SLC5A1: variants seen among roughly 807,000 people sequenced by gnomAD.
SLC5A1 encodes the protein sodium/glucose cotransporter 1.
SLC5A1 carries 42 observed loss-of-function variants against 73.5 expected under a neutral mutation model. The ratio of observed to expected loss-of-function variants is 0.57; its 90% CI spans 0.45 to 0.74. SLC5A1 has a LOEUF of 0.74. Among genes scored for constraint, SLC5A1 ranks in the 30% least tolerant of loss-of-function variants. The pLI is 0.00. For missense variants in SLC5A1, 634 were observed against 855.4 expected (o/e 0.74, Z 3.23); for synonymous variants, 300 against 317.4 (o/e 0.95, Z 0.58).
At chr22:32,047,016 G>C (rs565010289) in intron 1 of SLC5A1, among the ~76,000 whole-genome samples, 1 of 152,120 alleles carries the variant, frequency 6.6e-6, no homozygotes. Flanking sequence ...TTGTAATATG[G>C]TAACACAAAG....
intron 1 of SLC5A1, among the ~76,000 whole-genome samples, chr22:32,046,192 T>C (rs899349508): frequency 6.6e-6 from 1 of 152,152 alleles, no homozygotes; most frequent in African/African-American, 2.4e-5. Flanking sequence ...TTCAGATGAA[T>C]CAGTCCCAGA....
rs957595299 is a variant in SLC5A1 at position 32,109,880 on chromosome 22, T to G, written c.1772-110T>G. 7.5e-6 allele frequency: 6 copies of G among 800,588 alleles called. No homozygotes were observed. In the East Asian group the frequency reaches 1.0e-4, roughly 13 times the overall value. 49.6% of individuals were successfully genotyped at this position (800,588 alleles called of 1,614,324 possible). On this transcript the variant is annotated intron_variant, in intron 14 of 14. Transcript: ENST00000266088. Reference sequence around the variant, plus strand: ...GAAATTTGGGGAAATTTCTCATTTTTGGGAAATTTCTGCAGAATAGCAGAT... The same window carrying G: ...GAAATTTGGGGAAATTTCTCATTTTGGGGAAATTTCTGCAGAATAGCAGAT...
intron 5 of SLC5A1, among the ~76,000 whole-genome samples, chr22:32,068,817 CAGGTTTGTGA>C (rs1262367069): frequency 1.3e-5 from 2 of 152,098 alleles, no homozygotes; most frequent in Non-Finnish European, 2.9e-5. Context: ...AAAACACAAA[CAGGTTTGTGA>C]AGGTTCAGGG....
intron 4 of SLC5A1, 46 bp from the exon 5 acceptor site, chr22:32,068,450 C>G (rs1241099719): frequency 8.6e-7 from 1 of 1,158,086 alleles, no homozygotes; most frequent in Non-Finnish European, 1.3e-6. Flanking sequence ...GCTCTGGGCC[C>G]TCTGGTCACT....
At chr22:32,048,823 C>A (rs2093940505) in intron 1 of SLC5A1, among the ~76,000 whole-genome samples, 1 of 152,070 alleles carries the variant, frequency 6.6e-6, no homozygotes, top group African/African-American at 2.4e-5. Context: ...GTATTCCCAG[C>A]ACTTTGGGAG....
chr22:32,055,274 C>T (rs575943901), intron 2 of SLC5A1, among the ~76,000 whole-genome samples: 2 of 152,274 alleles, frequency 1.3e-5, no homozygotes, highest in South Asian at 2.1e-4. Flanking sequence ...ACTGTGATGA[C>T]TCTGGAACAA....
chr22:32,074,849 C>A (rs1285119356), intron 5 of SLC5A1, among the ~76,000 whole-genome samples: 2 of 152,112 alleles, frequency 1.3e-5, no homozygotes, highest in Non-Finnish European at 2.9e-5. Flanking sequence ...TTTACTTACA[C>A]CCTCTCCAGT....
At chr22:32,090,187 G>A (rs1241791801) in intron 10 of SLC5A1, among the ~76,000 whole-genome samples, 1 of 151,826 alleles carries the variant, frequency 6.6e-6, no homozygotes, top group Non-Finnish European at 1.5e-5. Flanking sequence ...CAATTCAGTG[G>A]TTTTTTAAGT....
chr22:32,095,696 G>T (rs961485641), intron 11 of SLC5A1, among the ~76,000 whole-genome samples: 1 of 152,178 alleles, frequency 6.6e-6, no homozygotes, highest in Non-Finnish European at 1.5e-5. Context: ...GTATCCACTT[G>T]CATGGGATGT....
chr22:32,099,100 AAAAAAATATATATATAT>A, intron 11 of SLC5A1, 66 bp from the exon 12 acceptor site: 2 of 157,858 alleles, frequency 1.3e-5, no homozygotes, highest in Non-Finnish European at 1.9e-5. Flanking sequence ...AAAAAAAAAA[AAAAAAATATATATATAT>A]ATATATATAT....
rs1204067453 is a variant in SLC5A1 at position 32,111,495 on chromosome 22, A to G, written c.*1282A>G. 4 of 152,230 alleles carry G rather than the reference A, an allele frequency of 2.6e-5. No individual in the cohort carries two copies. Among genetic ancestry groups the G allele is most frequent in the Admixed American group, 2.0e-4 (3 of 15,284 alleles). 9.4% of individuals were successfully genotyped at this position (152,230 alleles called of 1,614,324 possible). ...AGCAAGTGAGTCTTGAAGAGATACTAAACAAACCCACAACACAGATAAAGT... is the reference window on the plus strand; with the variant it reads ...AGCAAGTGAGTCTTGAAGAGATACTGAACAAACCCACAACACAGATAAAGT... On this transcript the variant is annotated 3_prime_UTR_variant, in exon 15 of 15. Transcript: ENST00000266088.
chr22:32,084,967 G>A lies in SLC5A1; in HGVS notation c.953G>A (p.Gly318Glu). 1 of 1,614,138 alleles carries A rather than the reference G, an allele frequency of 6.2e-7. No homozygotes were observed. The highest frequency in any genetic ancestry group is 8.5e-7 in the Non-Finnish European group (1 of 1,180,014). ...GTGAAGGGTGGCTGCATCCTGTGTGGGTATCTAAAGCTGATGCCCATGTTC... is the reference window on the plus strand; with the variant it reads ...GTGAAGGGTGGCTGCATCCTGTGTGAGTATCTAAAGCTGATGCCCATGTTC... Reference protein sequence around the residue: ...SHVKGGCILCGYLKLMPMFIM... With the variant: ...SHVKGGCILCEYLKLMPMFIM... The change falls in exon 9 of 15, where the codon GGG becomes GAG. Residue 318 changes from glycine (G) to glutamate (E), a missense_variant. Around this residue, in one of 3 missense-constraint regions of SLC5A1, gnomAD observed 422 missense variants for 626.1 expected, o/e 0.67. Coordinates refer to ENST00000266088, the MANE Select transcript of SLC5A1 (RefSeq NM_000343.4).
At chr22:32,090,328 G>A (rs1018036491) in intron 10 of SLC5A1, among the ~76,000 whole-genome samples, 3 of 152,008 alleles carry the variant, frequency 2.0e-5, no homozygotes, top group African/African-American at 7.2e-5. Context: ...CCAGTCCCTG[G>A]CAACCACTAA....
intron 10 of SLC5A1, among the ~76,000 whole-genome samples, chr22:32,087,294 CT>C (rs1273421387): frequency 6.6e-6 from 1 of 152,150 alleles, no homozygotes; most frequent in Non-Finnish European, 1.5e-5. Flanking sequence ...CATATATTTG[CT>C]AATTAGCTCA....
chr22:32,051,393 C>T (rs924082515), intron 2 of SLC5A1, among the ~76,000 whole-genome samples: 16 of 152,204 alleles, frequency 1.1e-4, no homozygotes, highest in African/African-American at 3.6e-4. Flanking sequence ...CAGTGACTCA[C>T]ACCTGTAATC....
At chr22:32,063,856 A>T (rs894310409) in intron 2 of SLC5A1, among the ~76,000 whole-genome samples, 1 of 152,138 alleles carries the variant, frequency 6.6e-6, no homozygotes, top group African/African-American at 2.4e-5. Flanking sequence ...AAAGAGAGGG[A>T]GTCCAGAATG....
chr22:32,068,229 G>C (rs565279625), intron 4 of SLC5A1, among the ~76,000 whole-genome samples: 1 of 152,162 alleles, frequency 6.6e-6, no homozygotes, highest in African/African-American at 2.4e-5. Flanking sequence ...CAAGGGTCTG[G>C]CTCCTTAGTG....
chr22:32,053,176 G>T (rs553915425), intron 2 of SLC5A1, among the ~76,000 whole-genome samples: 1 of 152,106 alleles, frequency 6.6e-6, no homozygotes, highest in Non-Finnish European at 1.5e-5. Context: ...TGCAAAACTT[G>T]GTAGTTCCCC....
chr22:32,067,103 A>G lies in SLC5A1; in HGVS notation c.312+64A>G, dbSNP rs1418841984. 3.1e-6 allele frequency: 4 copies of G among 1,295,964 alleles called. No homozygotes were observed. In the African/African-American group the frequency reaches 4.4e-5, roughly 14 times the overall value. 80.3% of individuals were successfully genotyped at this position (1,295,964 alleles called of 1,614,324 possible). ...GGAGCCTTAGCAGTCAACCAGTTCA[A>G]TCTATGCTCAGAGGAGCTGAAGATG... On this transcript the variant is annotated intron_variant, in intron 3 of 14. Coordinates refer to ENST00000266088, the MANE Select transcript of SLC5A1 (RefSeq NM_000343.4).
Sources: gnomAD v4.1 joint callset for allele counts (sites outside exome capture counted in the v4.1 genomes callset) on GRCh38, gnomAD v4.1.1 for gene constraint, gnomAD v4.1.1 regional missense constraint, MANE v1.5 for transcripts, NCBI Gene and HGNC (gene_info 2026-07-23, HGNC 2026-07-21) for gene names.